ZNF652: variants seen among roughly 807,000 people sequenced by gnomAD.
The protein encoded by ZNF652 is zinc finger protein 652.
Under a neutral mutation model 45.2 loss-of-function variants are expected in ZNF652, and 16 were observed. The observed-to-expected ratio is 0.35, with a 90% CI of 0.24 to 0.54. The LOEUF (loss-of-function observed/expected upper bound fraction) is 0.54, where lower values mean the gene tolerates loss of function less well. Ranked by LOEUF, ZNF652 falls within the 20% of genes least tolerant of loss-of-function variation. ZNF652 has a pLI of 0.91. For missense variants in ZNF652, 614 were observed against 765.6 expected (o/e 0.80, Z 2.34); for synonymous variants, 250 against 260.6 (o/e 0.96, Z 0.39).
In ZNF652 at chr17:49,295,647, C is replaced by G. The variant is rs1370004091; in HGVS notation, c.*2766G>C. 6.6e-6 allele frequency: 1 copy of G among 152,138 alleles called. No homozygotes were observed. Among genetic ancestry groups the G allele is most frequent in the East Asian group, 1.9e-4 (1 of 5,184 alleles). 9.4% of individuals were successfully genotyped at this position (152,138 alleles called of 1,614,324 possible). ...CCCAATACTGTAAATTTATTCAGAA[C>G]AAAATAAGGCAGTTGGACGTGGTGG... is the stretch of plus-strand genomic sequence containing the variant. On this transcript the variant is annotated 3_prime_UTR_variant, in exon 6 of 6. Transcript: ENST00000430262.
chr17:49,304,649 A>G (rs1394118980), intron 5 of ZNF652, among the ~76,000 whole-genome samples: 1 of 152,188 alleles, frequency 6.6e-6, no homozygotes, highest in Admixed American at 6.5e-5. Flanking sequence ...ATATCTAACT[A>G]TATCACCTAA....
chr17:49,306,873 C>T (rs888889247), intron 5 of ZNF652, among the ~76,000 whole-genome samples: 4 of 152,094 alleles, frequency 2.6e-5, no homozygotes, highest in African/African-American at 9.7e-5. Flanking sequence ...CTGCCTCAGC[C>T]TCTTGAGTAG....
chr17:49,359,840 A>G (rs1318020661), intron 1 of ZNF652, among the ~76,000 whole-genome samples: 2 of 152,156 alleles, frequency 1.3e-5, no homozygotes, highest in Non-Finnish European at 2.9e-5. Context: ...CCATTAAGAC[A>G]TGAAATCACA....
At chr17:49,354,847 T>C (rs2070319223) in intron 1 of ZNF652, among the ~76,000 whole-genome samples, 1 of 151,984 alleles carries the variant, frequency 6.6e-6, no homozygotes, top group Non-Finnish European at 1.5e-5. Flanking sequence ...TGCCTCAGCC[T>C]CCCCAGTAGC....
intron 2 of ZNF652, among the ~76,000 whole-genome samples, chr17:49,314,535 T>C (rs2143785750): frequency 6.6e-6 from 1 of 152,260 alleles, no homozygotes; most frequent in East Asian, 1.9e-4. Context: ...ACCTTTTCCC[T>C]TACAGATCAG....
intron 3 of ZNF652, among the ~76,000 whole-genome samples, chr17:49,312,341 T>C (rs2069726911): frequency 1.3e-5 from 2 of 152,002 alleles, no homozygotes; most frequent in South Asian, 4.2e-4. Flanking sequence ...AATTTTTGTA[T>C]TTTTAGTAGA....
intron 1 of ZNF652, among the ~76,000 whole-genome samples, chr17:49,325,291 G>A (rs1046355051): frequency 6.6e-5 from 10 of 152,098 alleles, no homozygotes; most frequent in African/African-American, 2.2e-4. Context: ...CAGGGAATAG[G>A]AAGGCTTGAG....
chr17:49,341,956 C>T (rs1371608905), intron 1 of ZNF652, among the ~76,000 whole-genome samples: 1 of 152,178 alleles, frequency 6.6e-6, no homozygotes, highest in Admixed American at 6.5e-5. Flanking sequence ...GAGGCCAAGG[C>T]AGGCAGATCG....
chr17:49,312,226 C>T (rs1460315680), intron 3 of ZNF652, among the ~76,000 whole-genome samples, 184 bp from the exon 4 acceptor site: 4 of 128,810 alleles, frequency 3.1e-5, no homozygotes, highest in South Asian at 2.6e-4. Context: ...AGTGCAGTGG[C>T]GCAATCTTGG....
chr17:49,330,010 A>G (rs1171215286), intron 1 of ZNF652, among the ~76,000 whole-genome samples: 1 of 152,232 alleles, frequency 6.6e-6, no homozygotes, highest in Non-Finnish European at 1.5e-5. Flanking sequence ...ATCACAATGT[A>G]TATTCAGAAT....
intron 1 of ZNF652, among the ~76,000 whole-genome samples, chr17:49,354,105 T>C (rs933129284): frequency 2.0e-5 from 3 of 152,190 alleles, no homozygotes; most frequent in Non-Finnish European, 2.9e-5. Context: ...CAAGAAGAAA[T>C]CAGCCATATG....
chr17:49,311,869 C>T (rs1163457355), intron 4 of ZNF652, 58 bp downstream of exon 4: 66 of 1,416,852 alleles, frequency 4.7e-5, no homozygotes, highest in South Asian at 3.8e-4. Flanking sequence ...CTCACTGGTC[C>T]GCCATCTATG....
rs531164591 is a variant in ZNF652, at chr17:49,354,685, A to G, written c.-259+7224T>C. ...AACTTATTCTAAAATCTTCATATAT[A>G]AAACACCATTACTATTCTGAAAGTT... On this transcript the variant is annotated intron_variant, in intron 1 of 5. Transcript: ENST00000430262. Among the ~76,000 whole-genome samples the G allele has an allele frequency of 6.6e-4, 100 of 152,034 alleles. 1 individual carries two copies. Among genetic ancestry groups the G allele is most frequent in the Non-Finnish European group, 7.4e-4 (50 of 67,984 alleles).
At chr17:49,333,722 GAA>G (rs749640282) in intron 1 of ZNF652, among the ~76,000 whole-genome samples, 1 of 56,532 alleles carries the variant, frequency 1.8e-5, no homozygotes, top group Non-Finnish European at 3.5e-5. Context: ...TCTGTCTCAA[GAA>G]AAAAAAAAAA....
intron 1 of ZNF652, among the ~76,000 whole-genome samples, chr17:49,360,338 C>G (rs1163308853): frequency 2.0e-5 from 3 of 152,114 alleles, no homozygotes; most frequent in Admixed American, 2.0e-4. Flanking sequence ...CCTGAAGTCC[C>G]AGGACCAGCT....
At chr17:49,360,802 C>G (rs2070384388) in intron 1 of ZNF652, among the ~76,000 whole-genome samples, 1 of 152,146 alleles carries the variant, frequency 6.6e-6, no homozygotes, top group Admixed American at 6.6e-5. Flanking sequence ...ATACATTATG[C>G]CTTGATCATA....
chr17:49,347,102 T>C (rs2070212660), intron 1 of ZNF652, among the ~76,000 whole-genome samples: 2 of 152,204 alleles, frequency 1.3e-5, no homozygotes, highest in Non-Finnish European at 2.9e-5. Flanking sequence ...TTAAATCCAC[T>C]GGTCACCTTT....
chr17:49,320,984 G>A (rs2069883669), intron 1 of ZNF652, among the ~76,000 whole-genome samples: 1 of 152,072 alleles, frequency 6.6e-6, no homozygotes, highest in Non-Finnish European at 1.5e-5. Context: ...CAAAGTGCTG[G>A]GATTACAGGC....
chr17:49,354,583 C>T (rs2070314867), intron 1 of ZNF652, among the ~76,000 whole-genome samples: 1 of 148,138 alleles, frequency 6.8e-6, no homozygotes, highest in Non-Finnish European at 1.5e-5. Context: ...TGCACCTCAG[C>T]CTGGGCATGG....
Sources: gnomAD v4.1 joint callset for allele counts (sites outside exome capture counted in the v4.1 genomes callset) on GRCh38, gnomAD v4.1.1 for gene constraint, MANE v1.5 for transcripts, NCBI Gene and HGNC (gene_info 2026-07-23, HGNC 2026-07-21) for gene names.